INPP5J: variants seen among roughly 807,000 people sequenced by gnomAD.
The protein encoded by INPP5J is phosphatidylinositol 4,5-bisphosphate 5-phosphatase A.
A neutral mutation model predicts 86.6 loss-of-function variants in INPP5J; 75 were observed. The ratio of observed to expected loss-of-function variants is 0.87; its 90% confidence interval spans 0.72 to 1.05. The LOEUF (loss-of-function observed/expected upper bound fraction) is 1.05, where lower values mean the gene tolerates loss of function less well. Ranked by LOEUF, INPP5J falls within the 50% of genes least tolerant of loss-of-function variation. The pLI is 0.00. For missense variants in INPP5J, 1,229 were observed against 1,341.2 expected (o/e 0.92, Z 1.31); for synonymous variants, 540 against 550.0 (o/e 0.98, Z 0.25).
chr22:31,126,574 C>T, intron 3 of INPP5J, 39 bp from the exon 4 acceptor site: 1 of 1,602,564 alleles, frequency 6.2e-7, no homozygotes, highest in Non-Finnish European at 8.5e-7. Flanking sequence ...TCCAGGGCAC[C>T]TCTCCAATCC....
At position 31,125,267 on chromosome 22, in the gene INPP5J, C is replaced by T. The variant is rs764788271; in HGVS notation, c.528C>T (p.Pro176=). 6.4e-7 allele frequency: 1 copy of T among 1,550,492 alleles called. No individual in the cohort carries two copies. Among genetic ancestry groups the T allele is most frequent in the South Asian group, 1.2e-5 (1 of 84,062 alleles). The part of the protein sequence containing the change: ...QKQEPPASVG[P]KPTLAASGLS... ...AGGAGCCACCTGCCTCCGTGGGACC[C>T]AAGCCAACACTGGCAGCCTCTGGCC... The change falls in exon 2 of 13, where the codon CCC becomes CCT. Residue 176 remains proline (P), a synonymous_variant. Coordinates refer to ENST00000331075, the MANE Select transcript of INPP5J (RefSeq NM_001284285.2).
Position 31,128,342 on chromosome 22 carries a change from G to A in INPP5J, c.2009+19G>A. The stretch of plus-strand genomic sequence containing the variant: ...ATACCAGGTGAGCTCAGTCCGAGGA[G>A]GGACTGAGGGGAAGTGGGCTGAGGT... On this transcript the variant is annotated intron_variant, in intron 8 of 12. Coordinates refer to ENST00000331075, the MANE Select transcript of INPP5J (RefSeq NM_001284285.2). 1.3e-6 allele frequency: 2 copies of A among 1,566,362 alleles called. No individual in the cohort carries two copies. The highest frequency in any genetic ancestry group is 1.1e-5 in the South Asian group (1 of 86,966).
chr22:31,125,788 G>T lies in INPP5J; in HGVS notation c.1049G>T (p.Arg350Leu). 2.6e-6 allele frequency: 4 copies of T among 1,567,176 alleles called. No individual in the cohort carries two copies. The South Asian group carries it at 4.7e-5, about 18-fold the overall frequency. ...CCCAAGCCACCCCGATCACCCAGCCGTTCCCCAAGCCACTCCCCGAATCGC... is the reference window on the plus strand; with the variant it reads ...CCCAAGCCACCCCGATCACCCAGCCTTTCCCCAAGCCACTCCCCGAATCGC... ...PLPKPPRSPS[R>L]SPSHSPNRSP... The change falls in exon 2 of 13, where the codon CGT becomes CTT. Residue 350 changes from arginine (R) to leucine (L), a missense_variant. Physicochemically the swap from Arg to Leu is moderately radical, Grantham distance 102. Coordinates refer to ENST00000331075, the MANE Select transcript of INPP5J (RefSeq NM_001284285.2).
In INPP5J at chr22:31,134,013, A is replaced by C; in HGVS notation, c.2615A>C (p.Lys872Thr). 6.2e-7 allele frequency: 1 copy of C among 1,610,220 alleles called. No individual in the cohort carries two copies. Among genetic ancestry groups the C allele is most frequent in the South Asian group, 1.1e-5 (1 of 90,266 alleles). ...AGCACACTGGAGCTCCTTGCACCCAAGTCCCGCAGCCCCAGTCCTGGCAAG... is the reference window on the plus strand; with the variant it reads ...AGCACACTGGAGCTCCTTGCACCCACGTCCCGCAGCCCCAGTCCTGGCAAG... ...DDSTLELLAP[K>T]SRSPSPGKSK... is the part of the protein sequence containing the mutation. The change falls in exon 13 of 13, where the codon AAG becomes ACG. Residue 872 changes from lysine (K) to threonine (T), a missense_variant. By Grantham distance (78) the Lys-to-Thr change is moderately conservative. Coordinates refer to ENST00000331075, the MANE Select transcript of INPP5J (RefSeq NM_001284285.2).
chr22:31,126,772 GCT>G, intron 4 of INPP5J, 51 bp downstream of exon 4: 1 of 1,536,546 alleles, frequency 6.5e-7, no homozygotes, highest in Non-Finnish European at 9.0e-7. Flanking sequence ...TGAATTCCTG[GCT>G]CCAGCTGTAC....
chr22:31,128,277 G>A lies in INPP5J; in HGVS notation c.1963G>A (p.Ala655Thr), dbSNP rs370023356. The change falls in exon 8 of 13, where the codon GCT becomes ACT. Residue 655 changes from alanine to threonine, a missense_variant. Ala to Thr is a moderately conservative substitution (Grantham distance 58). Coordinates refer to ENST00000331075, the MANE Select transcript of INPP5J (RefSeq NM_001284285.2). ...CTTTCAGGAGGGGCCCCTCAACTTCGCTCCCACCTTCAAGTTTGATGTGGG... is the reference window on the plus strand; with the variant it reads ...CTTTCAGGAGGGGCCCCTCAACTTCACTCCCACCTTCAAGTTTGATGTGGG... Reference protein sequence around the residue: ...KGFQEGPLNFAPTFKFDVGTN... With the variant: ...KGFQEGPLNFTPTFKFDVGTN... 5.9e-5 allele frequency: 95 copies of A among 1,600,482 alleles called. No homozygotes were observed. Among genetic ancestry groups the A allele is most frequent in the Non-Finnish European group, 7.7e-5 (90 of 1,173,582 alleles).
chr22:31,126,185 C>T (rs1329361503), intron 2 of INPP5J, 175 bp downstream of exon 2: 5 of 794,612 alleles, frequency 6.3e-6, no homozygotes, highest in Non-Finnish European at 9.7e-6. Flanking sequence ...TCCTAAGGAA[C>T]TTGCCGCCTC....
upstream of INPP5J, chr22:31,122,680 T>G (rs1020339938): frequency 1.5e-5 from 4 of 268,602 alleles, no homozygotes; most frequent in African/African-American, 8.8e-5. Flanking sequence ...AAGGCAGGTG[T>G]GTTAATGCCC....
In INPP5J at chr22:31,127,530, T is replaced by G. The variant is rs760980304; in HGVS notation, c.1785T>G (p.His595Gln). The G allele has an allele frequency of 1.2e-6, 2 of 1,611,990 alleles. No individual in the cohort carries two copies. The highest frequency in any genetic ancestry group is 1.7e-6 in the Non-Finnish European group (2 of 1,178,840). The change falls in exon 6 of 13, where the codon CAT (histidine) becomes CAG (glutamine). Residue 595 changes from histidine (H) to glutamine (Q), a missense_variant and splice_region_variant. By Grantham distance (24) the His-to-Gln change is conservative (BLOSUM62 0). Coordinates refer to ENST00000331075, the MANE Select transcript of INPP5J (RefSeq NM_001284285.2). ...QGPGAQGILDHDLVFWFGDLN... is the reference protein window; with the variant it reads ...QGPGAQGILDQDLVFWFGDLN... The stretch of plus-strand genomic sequence containing the variant: ...CGGGCGCACAGGGCATCCTGGATCA[T>G]GAGTATGGGCTGGGGTGGGGCCAAA...
At position 31,122,980 on chromosome 22, in the gene INPP5J, AG is replaced by A. The variant is rs1448060062; in HGVS notation, c.-34del. ...CCGGGAGCGGTAGAGCTGGAGCCGGAGCCAAGGGAGTCCAGGCTGCCGGGGG... is the reference window on the plus strand; with the variant it reads ...CCGGGAGCGGTAGAGCTGGAGCCGGACCAAGGGAGTCCAGGCTGCCGGGGG... On this transcript the variant is annotated 5_prime_UTR_variant, in exon 1 of 13. Transcript: ENST00000331075. 1 of 1,348,536 alleles carries A rather than the reference AG, an allele frequency of 7.4e-7. No homozygotes were observed. Among genetic ancestry groups the A allele is most frequent in the Non-Finnish European group, 9.7e-7 (1 of 1,027,972 alleles). 83.5% of individuals were successfully genotyped at this position (1,348,536 alleles called of 1,614,324 possible).
At chr22:31,128,145 C>T in intron 7 of INPP5J, 69 bp from the exon 8 acceptor site, 1 of 1,433,866 alleles carries the variant, frequency 7.0e-7, no homozygotes, top group Non-Finnish European at 9.7e-7. Flanking sequence ...TCCTCACCTG[C>T]CCCACCCCCT....
rs539544265 is a variant in INPP5J at position 31,134,118 on chromosome 22, G to A, written c.2720G>A (p.Arg907His). ...CTACGGCCCTCATCCCGTGAACGCC[G>A]TGGTGCCAGCCGTAGCCCCTCACCC... ...LALRPSSRER[R>H]GASRSPSPQS... The change falls in exon 13 of 13, where the codon CGT (arginine) becomes CAT (histidine). Residue 907 changes from arginine to histidine, a missense_variant. By Grantham distance (29) the Arg-to-His change is conservative. Coordinates refer to ENST00000331075, the MANE Select transcript of INPP5J (RefSeq NM_001284285.2). 20 of 1,551,450 alleles carry A rather than the reference G, an allele frequency of 1.3e-5. 1 individual carries two copies. Among genetic ancestry groups the A allele is most frequent in the East Asian group, 7.3e-5 (3 of 40,944 alleles).
Position 31,125,844 on chromosome 22 carries a change from G to A in INPP5J, c.1105G>A (p.Ala369Thr), listed in dbSNP as rs1376537115. The A allele has an allele frequency of 6.2e-7, 1 of 1,609,244 alleles. No homozygotes were observed. The highest frequency in any genetic ancestry group is 8.5e-7 in the Non-Finnish European group (1 of 1,177,552). ...SPCVPPAPDM[A>T]LPRLGTQSTG... The stretch of plus-strand genomic sequence containing the variant: ...CTGTGTTCCCCCAGCCCCTGACATG[G>A]CCCTCCCAAGGCTTGGCACACAGAG... Residue 369 changes from alanine (A) to threonine (T), a missense_variant, in exon 2 of 13, where the codon GCC becomes ACC. By Grantham distance (58) the Ala-to-Thr change is moderately conservative. Coordinates refer to ENST00000331075, the MANE Select transcript of INPP5J (RefSeq NM_001284285.2).
chr22:31,124,132 C>A, intron 1 of INPP5J: 1 of 324,646 alleles, frequency 3.1e-6, no homozygotes, highest in Non-Finnish European at 4.4e-6. Flanking sequence ...CCCATCCCTT[C>A]ATTTTACAGA....
chr22:31,132,432 A>G (rs1411150535), intron 9 of INPP5J, among the ~76,000 whole-genome samples: 1 of 152,142 alleles, frequency 6.6e-6, no homozygotes, highest in African/African-American at 2.4e-5. Flanking sequence ...AACAACTCCA[A>G]GAGTAAAATA....
intron 6 of INPP5J, 66 bp from the exon 7 acceptor site, chr22:31,127,885 T>TTA (rs1921650214): frequency 1.1e-6 from 1 of 945,790 alleles, no homozygotes; most frequent in Non-Finnish European, 1.7e-6. Flanking sequence ...TGAGCCCTTA[T>TTA]CCTCCATGGA....
intron 6 of INPP5J, 156 bp from the exon 7 acceptor site, chr22:31,127,795 C>T: frequency 1.5e-6 from 1 of 651,158 alleles, no homozygotes. Flanking sequence ...TTCCTCTGCC[C>T]TTTGGTGGGC....
intron 1 of INPP5J, 54 bp downstream of exon 1, chr22:31,123,173 AC>A (rs200796586): frequency 5.9e-4 from 617 of 1,054,618 alleles, no homozygotes; most frequent in Middle Eastern, 8.7e-4. Context: ...GGTTCCACAC[AC>A]CCCCCCCACA....
Position 31,133,596 on chromosome 22 carries a change from C to A in INPP5J, c.2410-14C>A. ...CTGACCCCCAACTTAGGCTTATACC[C>A]CTGGGCCTACCAGGTAACATTCAGT... On this transcript the variant is annotated splice_polypyrimidine_tract_variant and intron_variant, in intron 11 of 12. Transcript: ENST00000331075. 6.2e-7 allele frequency: 1 copy of A among 1,605,542 alleles called. No homozygotes were observed. The highest frequency in any genetic ancestry group is 2.2e-5 in the East Asian group (1 of 44,740).
Sources: allele counts gnomAD v4.1 joint callset (sites outside exome capture counted in the v4.1 genomes callset), GRCh38; gene constraint gnomAD v4.1.1; transcripts MANE v1.5; gene names NCBI Gene and HGNC (gene_info 2026-07-23, HGNC 2026-07-21).